SPINT2: variants seen among roughly 807,000 people sequenced by gnomAD.
SPINT2 encodes serine peptidase inhibitor, Kunitz type 2.
Under a neutral mutation model 30.1 loss-of-function variants are expected in SPINT2, and 18 were observed. That is an observed-to-expected ratio of 0.60 (90% CI 0.41 to 0.89). The LOEUF (loss-of-function observed/expected upper bound fraction) is 0.89, where lower values mean the gene tolerates loss of function less well. Ranked by LOEUF, SPINT2 falls within the 40% of genes least tolerant of loss-of-function variation. SPINT2 has a pLI of 0.00. For missense variants in SPINT2, 276 were observed against 334.3 expected, an observed-to-expected ratio of 0.83 and a Z score of 1.36; for synonymous variants, 139 against 137.9, an observed-to-expected ratio of 1.01 and a Z score of -0.05.
At chr19:38,265,295 G>T (rs959164335) in intron 1 of SPINT2, 6 of 245,576 alleles carry the variant, frequency 2.4e-5, no homozygotes, top group African/African-American at 1.4e-4. Context: ...CAAGAACGGG[G>T]TGAGGAGCCG....
chr19:38,286,520 G>T (rs552652696), intron 2 of SPINT2, among the ~76,000 whole-genome samples: 1 of 152,172 alleles, frequency 6.6e-6, no homozygotes, highest in Non-Finnish European at 1.5e-5. Flanking sequence ...GGCGGCTCAC[G>T]CCTGTAATCC....
chr19:38,291,578 A>G, intron 6 of SPINT2: 1 of 487,898 alleles, frequency 2.0e-6, no homozygotes, highest in Non-Finnish European at 3.7e-6. Flanking sequence ...AAGAAGGAAC[A>G]CAGATGACTA....
At position 38,283,798 on chromosome 19, in the gene SPINT2, G is replaced by A. The variant is rs879066476; in HGVS notation, c.277+1G>A. ...CTCAAGAAATGTGCCACTGTCACAG[G>A]TGAGATGGCAGTAGTTGGAGCTTTT... On this transcript the variant is annotated splice_donor_variant, in intron 2 of 6. Transcript: ENST00000301244. LOFTEE classifies it high-confidence loss of function. The A allele has an allele frequency of 6.2e-7, 1 of 1,608,618 alleles. No homozygotes were observed. The highest frequency in any genetic ancestry group is 8.5e-7 in the Non-Finnish European group (1 of 1,176,156).
At chr19:38,287,538 G>A (rs1232056467) in intron 2 of SPINT2, among the ~76,000 whole-genome samples, 1 of 151,756 alleles carries the variant, frequency 6.6e-6, no homozygotes, top group Non-Finnish European at 1.5e-5. Flanking sequence ...TGTTGGCCAG[G>A]CTGGTCTCAA....
intron 6 of SPINT2, chr19:38,291,069 C>G (rs1299993638): frequency 2.7e-5 from 6 of 218,298 alleles, no homozygotes; most frequent in Non-Finnish European, 5.6e-5. Flanking sequence ...TGGCCTCTTT[C>G]TCCACCTGTT....
chr19:38,288,128 G>A, intron 3 of SPINT2, 193 bp downstream of exon 3: 1 of 662,592 alleles, frequency 1.5e-6, no homozygotes. Flanking sequence ...ATACTGTCCA[G>A]CTGACACAGG....
intron 1 of SPINT2, among the ~76,000 whole-genome samples, chr19:38,266,906 A>T (rs1388893622): frequency 6.6e-6 from 1 of 152,104 alleles, no homozygotes; most frequent in African/African-American, 2.4e-5. Flanking sequence ...TTACGTTAGG[A>T]TGTACCTCCC....
At chr19:38,284,569 C>T (rs1287991744) in intron 2 of SPINT2, among the ~76,000 whole-genome samples, 1 of 152,166 alleles carries the variant, frequency 6.6e-6, no homozygotes, top group African/African-American at 2.4e-5. Context: ...CCTCCTCTTC[C>T]CAGAAAGGGA....
intron 1 of SPINT2, among the ~76,000 whole-genome samples, chr19:38,276,448 TGTGGCTAACA>T (rs1968518829): frequency 3.9e-5 from 6 of 151,976 alleles, no homozygotes; most frequent in Admixed American, 3.9e-4. Flanking sequence ...TCGAAACCAC[TGTGGCTAACA>T]TGGTGAAACC....
In SPINT2 at chr19:38,264,918, G is replaced by C. The variant is rs951837908; in HGVS notation, c.26G>C (p.Arg9Pro). The C allele has an allele frequency of 7.8e-6, 12 of 1,535,584 alleles. No individual in the cohort carries two copies. In the African/African-American group the frequency reaches 1.2e-4, roughly 16 times the overall value. Residue 9 changes from arginine (R) to proline (P), a missense_variant, in exon 1 of 7, where the codon CGG becomes CCG. Arg to Pro is a moderately radical substitution (Grantham distance 103). Transcript: ENST00000301244. ...ATGGCGCAGCTGTGCGGGCTGAGGC[G>C]GAGCCGGGCGTTTCTCGCCCTGCTG... is the stretch of plus-strand genomic sequence containing the variant. MAQLCGLR[R>P]SRAFLALLGS...
intron 3 of SPINT2, 181 bp from the exon 4 acceptor site, chr19:38,288,957 A>G (rs1968676795): frequency 3.2e-6 from 2 of 623,178 alleles, no homozygotes; most frequent in African/African-American, 1.8e-5. Flanking sequence ...CAGCACTCTC[A>G]GTGTGTGCGT....
rs529397886 is a variant in SPINT2 at position 38,275,915 on chromosome 19, C to T, written c.107-7712C>T. Among the ~76,000 whole-genome samples the T allele has an allele frequency of 2.0e-4, 30 of 150,944 alleles. 1 individual carries two copies. The highest frequency in any genetic ancestry group is 1.3e-3 in the Admixed American group (19 of 15,088). ...GCTAATTTTGTATTTTTAGTACAGA[C>T]GGGGTTTCTCCATATTGGTCAGGCT... On this transcript the variant is annotated intron_variant, in intron 1 of 6. Coordinates refer to ENST00000301244, the MANE Select transcript of SPINT2 (RefSeq NM_021102.4).
chr19:38,274,880 C>T (rs1968498482), intron 1 of SPINT2, among the ~76,000 whole-genome samples: 1 of 151,764 alleles, frequency 6.6e-6, no homozygotes, highest in African/African-American at 2.4e-5. Flanking sequence ...TTCCCTCTGC[C>T]ACTGGAGAGA....
At chr19:38,274,922 G>C (rs570255066) in intron 1 of SPINT2, among the ~76,000 whole-genome samples, 1 of 152,228 alleles carries the variant, frequency 6.6e-6, no homozygotes, top group African/African-American at 2.4e-5. Flanking sequence ...GCTTGTGAAG[G>C]CTTCTTGTCC....
intron 1 of SPINT2, among the ~76,000 whole-genome samples, chr19:38,279,306 C>T (rs1267763378): frequency 6.6e-6 from 1 of 151,808 alleles, no homozygotes; most frequent in East Asian, 1.9e-4. Context: ...CGAGACCAGC[C>T]TCACCAACAT....
chr19:38,275,733 ATT>A (rs200809145), intron 1 of SPINT2, among the ~76,000 whole-genome samples: 7 of 125,756 alleles, frequency 5.6e-5, no homozygotes, highest in Admixed American at 8.3e-5. Flanking sequence ...TGACAAAAAA[ATT>A]TTTTTTTTTT....
chr19:38,276,176 A>G (rs1015126920), intron 1 of SPINT2, among the ~76,000 whole-genome samples: 1 of 152,202 alleles, frequency 6.6e-6, no homozygotes, highest in East Asian at 1.9e-4. Flanking sequence ...CCCTTGTTCT[A>G]GAAAAAACAG....
At chr19:38,289,300 T>C (rs774883642) in intron 4 of SPINT2, 109 bp downstream of exon 4, 15 of 925,388 alleles carry the variant, frequency 1.6e-5, no homozygotes, top group Non-Finnish European at 2.6e-5. Flanking sequence ...CATCCTAACA[T>C]GGTGAAACCC....
At chr19:38,289,022 C>A in intron 3 of SPINT2, 116 bp from the exon 4 acceptor site, 1 of 908,236 alleles carries the variant, frequency 1.1e-6, no homozygotes, top group Non-Finnish European at 1.8e-6. Flanking sequence ...AGGGGCTACA[C>A]ACCCCTTCTT....
Sources: gnomAD v4.1 joint callset for allele counts (sites outside exome capture counted in the v4.1 genomes callset) on GRCh38, gnomAD v4.1.1 for gene constraint, MANE v1.5 for transcripts, NCBI Gene and HGNC (gene_info 2026-07-23, HGNC 2026-07-21) for gene names.